Variants in GREB1 observed in about 807,000 individuals in gnomAD.
GREB1 encodes the protein growth regulating estrogen receptor binding 1.
In GREB1, 106 loss-of-function variants were observed where a neutral mutation model predicts 200.7. That is an observed-to-expected ratio of 0.53 (90% CI 0.45 to 0.62). The LOEUF (loss-of-function observed/expected upper bound fraction) is 0.62. Among genes scored for constraint, GREB1 ranks in the 20% least tolerant of loss-of-function variants. The pLI is 0.00. For synonymous variants in GREB1, 1,132 were observed against 1,092.4 expected (o/e 1.04, Z -0.72); for missense variants, 2,243 against 2,556.8 (o/e 0.88, Z 2.65).
intron 1 of GREB1, among the ~76,000 whole-genome samples, chr2:11,508,497 T>C (rs956079341): frequency 6.6e-6 from 1 of 152,226 alleles, no homozygotes; most frequent in Non-Finnish European, 1.5e-5. Context: ...TTTCCCCCAG[T>C]GTGGCAAAGG....
At chr2:11,639,531 C>T (rs942096905) in intron 32 of GREB1, among the ~76,000 whole-genome samples, 1 of 152,242 alleles carries the variant, frequency 6.6e-6, no homozygotes, top group Non-Finnish European at 1.5e-5. Flanking sequence ...CTCCTGTCTG[C>T]ACCAGCTTGG....
At chr2:11,555,983 G>A (rs1053528824) in intron 1 of GREB1, among the ~76,000 whole-genome samples, 6 of 152,052 alleles carry the variant, frequency 3.9e-5, no homozygotes, top group African/African-American at 9.7e-5. Flanking sequence ...GATTTTCCTC[G>A]TTTTCCCACT....
chr2:11,550,534 A>G (rs960583726), intron 1 of GREB1, among the ~76,000 whole-genome samples: 3 of 152,188 alleles, frequency 2.0e-5, no homozygotes, highest in Non-Finnish European at 2.9e-5. Context: ...AGAAGGGGAA[A>G]GGGCTGCTCG....
At chr2:11,569,549 G>C (rs2147983468) in intron 4 of GREB1, among the ~76,000 whole-genome samples, 1 of 152,360 alleles carries the variant, frequency 6.6e-6, no homozygotes, top group Non-Finnish European at 1.5e-5. Context: ...CTGCCAATTG[G>C]AGAATAACAG....
At chr2:11,567,212 CCTCCTGGGTTCAAGTGATTCT>C in intron 4 of GREB1, among the ~76,000 whole-genome samples, 1 of 152,218 alleles carries the variant, frequency 6.6e-6, no homozygotes, top group East Asian at 1.9e-4. Context: ...GCGACCCCCA[CCTCCTGGGTTCAAGTGATTCT>C]CCTGCCTCAG....
At chr2:11,502,219 CTTT>C (rs1202858524) in intron 1 of GREB1, among the ~76,000 whole-genome samples, 1 of 129,022 alleles carries the variant, frequency 7.8e-6, no homozygotes. Flanking sequence ...GCCTGGCCCT[CTTT>C]TTTTTTTTTT....
At position 11,642,388 on chromosome 2, in the gene GREB1, A is replaced by G. The variant is rs868731505; in HGVS notation, c.*1934A>G. The G allele has an allele frequency of 6.6e-5, 10 of 152,056 alleles. No homozygotes were observed. The highest frequency in any genetic ancestry group is 2.4e-4 in the African/African-American group (10 of 41,374). 9.4% of individuals were successfully genotyped at this position (152,056 alleles called of 1,614,324 possible). A position where few individuals can be genotyped will look rare whatever the true frequency, so the allele number is the denominator to read the frequency against. On this transcript the variant is annotated 3_prime_UTR_variant, in exon 33 of 33. Transcript: ENST00000381486. ...GGTGATCTGCCCACCTCATCCTCCAAAAGTGCTGGGATTACAGGCATGAGC... is the reference window on the plus strand; with the variant it reads ...GGTGATCTGCCCACCTCATCCTCCAGAAGTGCTGGGATTACAGGCATGAGC...
chr2:11,510,032 G>A (rs1673304602), intron 1 of GREB1, among the ~76,000 whole-genome samples: 1 of 152,166 alleles, frequency 6.6e-6, no homozygotes, highest in South Asian at 2.1e-4. Flanking sequence ...TGATATGTCT[G>A]TTGGGTTTCT....
rs1479724355 is a variant in GREB1, at chr2:11,641,581, G to C, written c.*1127G>C. Reference sequence around the variant, plus strand: ...GCTCACTGCAAGCTCCGCCTCCCGGGTTCTCACCATTCTCCTGCCTCAGCC... The same window carrying C: ...GCTCACTGCAAGCTCCGCCTCCCGGCTTCTCACCATTCTCCTGCCTCAGCC... On this transcript the variant is annotated 3_prime_UTR_variant, in exon 33 of 33. Coordinates refer to ENST00000381486, the MANE Select transcript of GREB1 (RefSeq NM_014668.4). 1 of 152,240 alleles carries C rather than the reference G, an allele frequency of 6.6e-6. No homozygotes were observed. Among genetic ancestry groups the C allele is most frequent in the Admixed American group, 6.5e-5 (1 of 15,270 alleles). 9.4% of individuals were successfully genotyped at this position (152,240 alleles called of 1,614,324 possible).
At chr2:11,542,329 G>A (rs1057000428) in intron 1 of GREB1, among the ~76,000 whole-genome samples, 9 of 152,168 alleles carry the variant, frequency 5.9e-5, no homozygotes, top group African/African-American at 9.7e-5. Context: ...CTGAGACCCC[G>A]AAGGCCCCCG....
intron 1 of GREB1, among the ~76,000 whole-genome samples, chr2:11,539,558 C>A (rs577945752): frequency 1.8e-4 from 28 of 152,320 alleles, no homozygotes; most frequent in Admixed American, 5.2e-4. Flanking sequence ...CTTCTCCTGA[C>A]CCTTTGTTCT....
rs1672794086 is a variant in GREB1 at position 11,492,516 on chromosome 2, C to G, written c.-159+10135C>G. Among the ~76,000 whole-genome samples, 1 of 152,048 alleles carries G rather than the reference C, an allele frequency of 6.6e-6. No homozygotes were observed. On this transcript the variant is annotated intron_variant, in intron 1 of 2. Transcript: ENST00000628795. The surrounding 1 kb of genome is among the most constrained non-coding windows in gnomAD (Gnocchi z 4.0). The stretch of plus-strand genomic sequence containing the variant: ...TTGCATGGCAGAGGCTCATTCTCTG[C>G]TGTGAGAAGTTTGGGATGAGGGGTG...
intron 1 of GREB1, chr2:11,540,025 C>G (rs2148517309): frequency 6.6e-6 from 1 of 152,524 alleles, no homozygotes; most frequent in Admixed American, 6.5e-5. Context: ...AGGCGGGAGC[C>G]CCTGCACACT....
In GREB1 at chr2:11,635,255, T is replaced by C. The variant is rs1238355076; in HGVS notation, c.5211-15T>C. The C allele has an allele frequency of 3.1e-6, 5 of 1,613,706 alleles. No individual in the cohort carries two copies. Among genetic ancestry groups the C allele is most frequent in the Non-Finnish European group, 4.2e-6 (5 of 1,179,782 alleles). ...TGTGCCCCATCAGACCCACCCCTCC[T>C]CTGGCCCTGAGTAGGTTCCTGTGTG... is the stretch of plus-strand genomic sequence containing the variant. On this transcript the variant is annotated splice_polypyrimidine_tract_variant and intron_variant, in intron 29 of 32. Coordinates refer to ENST00000381486, the MANE Select transcript of GREB1 (RefSeq NM_014668.4).
At chr2:11,530,169 C>A (rs554341993), upstream of GREB1, among the ~76,000 whole-genome samples, 41 of 152,154 alleles carry the variant, frequency 2.7e-4, no homozygotes, top group East Asian at 7.7e-3. Context: ...TCAAACTATT[C>A]TCCCACCTCA....
chr2:11,581,203 A>G lies in GREB1; in HGVS notation c.901+371A>G, dbSNP rs150789947. ...TCAGAAAAATATGAATTCAAAACCT[A>G]CCGCTGTCTCTTGTTAGTCAGGGGA... On this transcript the variant is annotated intron_variant, in intron 7 of 32. Transcript: ENST00000381486. 5.6e-4 allele frequency: 316 copies of G among 564,998 alleles called. 1 individual carries two copies. The highest frequency in any genetic ancestry group is 5.4e-3 in the African/African-American group (289 of 53,330). 35.0% of individuals were successfully genotyped at this position (564,998 alleles called of 1,614,324 possible).
intron 15 of GREB1, among the ~76,000 whole-genome samples, chr2:11,599,722 G>A (rs868557112): frequency 3.3e-5 from 5 of 152,058 alleles, no homozygotes; most frequent in South Asian, 2.1e-4. Flanking sequence ...GGGTTTCACC[G>A]TGTTAGCCAG....
chr2:11,609,203 C>G (rs1380771960), intron 17 of GREB1, among the ~76,000 whole-genome samples: 6 of 151,822 alleles, frequency 4.0e-5, no homozygotes, highest in Admixed American at 3.9e-4. Flanking sequence ...AGCCCATTTT[C>G]CCTACTGCAC....
intron 27 of GREB1, 104 bp from the exon 28 acceptor site, chr2:11,632,785 G>A (rs1684990439): frequency 2.2e-6 from 2 of 895,964 alleles, no homozygotes; most frequent in Non-Finnish European, 3.5e-6. Flanking sequence ...GGAAGGTCGG[G>A]GCTGGCTTGT....
Sources: gnomAD v4.1 joint callset for allele counts (sites outside exome capture counted in the v4.1 genomes callset) on GRCh38, gnomAD v4.1.1 for gene constraint, Gnocchi (gnomAD v3.1) non-coding constraint, MANE v1.5 for transcripts, NCBI Gene and HGNC (gene_info 2026-07-23, HGNC 2026-07-21) for gene names.